KLF8: variants seen among roughly 807,000 people sequenced by gnomAD.
The protein encoded by KLF8 is Krueppel-like factor 8.
KLF8 carries 10 observed loss-of-function variants against 18.2 expected under a neutral mutation model. That is an observed-to-expected ratio of 0.55 (90% CI 0.34 to 0.93). KLF8 has a LOEUF of 0.93. Among genes scored for constraint, KLF8 ranks in the 40% least tolerant of loss-of-function variants. The pLI is 0.02. For synonymous variants in KLF8, 109 were observed against 97.3 expected, an observed-to-expected ratio of 1.12 and a Z score of -0.71; for missense variants, 264 against 277.9, an observed-to-expected ratio of 0.95 and a Z score of 0.36.
At chrX:56,135,479 C>T in the KLF8 span, among the ~76,000 whole-genome samples, 7 of 110,323 alleles carry the variant, frequency 6.3e-5, no homozygotes, top group African/African-American at 2.3e-4. Context: ...CATATTCTCA[C>T]TCATAGGTGG....
intron 2 of KLF8, among the ~76,000 whole-genome samples, chrX:56,254,206 G>A (rs987271631): frequency 8.9e-6 from 1 of 112,004 alleles, no homozygotes; most frequent in Non-Finnish European, 1.9e-5. Context: ...TGACCCCTTC[G>A]TGGGTGGGAA....
At chrX:56,180,150 T>C in the KLF8 span, among the ~76,000 whole-genome samples, 1 of 111,909 alleles carries the variant, frequency 8.9e-6, no homozygotes, top group African/African-American at 3.2e-5. Context: ...AGGCTATTAA[T>C]TATTGCCTCA....
the KLF8 span, among the ~76,000 whole-genome samples, chrX:56,009,674 A>T: frequency 8.9e-6 from 1 of 112,004 alleles, no homozygotes. Context: ...GAACTAAAAA[A>T]GCATGTTTTA....
chrX:56,006,888 G>T, the KLF8 span, among the ~76,000 whole-genome samples: 1 of 111,988 alleles, frequency 8.9e-6, no homozygotes, highest in Non-Finnish European at 1.9e-5. Context: ...AGGCTGGGTC[G>T]TTTCCCAGGC....
chrX:56,088,578 A>G, the KLF8 span, among the ~76,000 whole-genome samples: 1 of 111,582 alleles, frequency 9.0e-6, no homozygotes, highest in Non-Finnish European at 1.9e-5. Context: ...TTTCCTTTTT[A>G]TTACCTGATA....
At chrX:56,178,523 A>T in the KLF8 span, among the ~76,000 whole-genome samples, 1 of 112,065 alleles carries the variant, frequency 8.9e-6, no homozygotes, top group Admixed American at 9.5e-5. Flanking sequence ...TTTTGTTGCC[A>T]TTGCTTTTGG....
chrX:56,049,092 C>T, the KLF8 span, among the ~76,000 whole-genome samples: 1 of 111,749 alleles, frequency 8.9e-6, no homozygotes, highest in East Asian at 2.8e-4. Context: ...CATAAGAATG[C>T]TTGTGATTTT....
the KLF8 span, among the ~76,000 whole-genome samples, chrX:56,172,675 C>T: frequency 8.9e-5 from 10 of 111,962 alleles, no homozygotes; most frequent in Non-Finnish European, 1.5e-4. Context: ...CCTGAGGAAT[C>T]GCCACACTGA....
chrX:56,166,380 A>C, the KLF8 span, among the ~76,000 whole-genome samples: 1 of 111,829 alleles, frequency 8.9e-6, no homozygotes, highest in African/African-American at 3.2e-5. Context: ...AGGTGCCAAC[A>C]GTTTAATTGA....
chrX:56,022,625 T>G, the KLF8 span, among the ~76,000 whole-genome samples: 1 of 108,658 alleles, frequency 9.2e-6, no homozygotes, highest in Non-Finnish European at 1.9e-5. Flanking sequence ...CTTTTTATCA[T>G]TTTAATTTGC....
chrX:56,259,444 C>T (rs922714960), intron 2 of KLF8, among the ~76,000 whole-genome samples: 3 of 110,483 alleles, frequency 2.7e-5, no homozygotes, highest in Non-Finnish European at 5.7e-5. Flanking sequence ...TTCTGTGCCA[C>T]TTTTCCCCAC....
chrX:56,041,418 TTTA>T, the KLF8 span, among the ~76,000 whole-genome samples: 1 of 111,060 alleles, frequency 9.0e-6, no homozygotes, highest in Non-Finnish European at 1.9e-5. Context: ...CCCAACCCTT[TTTA>T]TTATTTTTTA....
At chrX:55,965,775 C>A in the KLF8 span, among the ~76,000 whole-genome samples, 1 of 112,047 alleles carries the variant, frequency 8.9e-6, no homozygotes, top group Non-Finnish European at 1.9e-5. Context: ...AGAACTCAAT[C>A]GCATTCACAA....
chrX:55,922,622 A>T, the KLF8 span, among the ~76,000 whole-genome samples: 1 of 112,825 alleles, frequency 8.9e-6, no homozygotes, highest in East Asian at 2.8e-4. Flanking sequence ...ACTTAAAATA[A>T]AATCGAAAGA....
chrX:55,995,438 C>G, the KLF8 span, among the ~76,000 whole-genome samples: 1 of 112,075 alleles, frequency 8.9e-6, no homozygotes, highest in Non-Finnish European at 1.9e-5. Flanking sequence ...TTAGCTCATT[C>G]TCATGTAAAC....
chrX:56,129,262 C>A, the KLF8 span, among the ~76,000 whole-genome samples: 1 of 111,963 alleles, frequency 8.9e-6, no homozygotes, highest in Non-Finnish European at 1.9e-5. Context: ...CAGGAATAGA[C>A]CAGAAAAGCT....
chrX:56,152,973 T>C, the KLF8 span, among the ~76,000 whole-genome samples: 1 of 111,650 alleles, frequency 9.0e-6, no homozygotes, highest in Non-Finnish European at 1.9e-5. Context: ...CTCTGAAACT[T>C]TTTGGTCTTA....
chrX:56,262,358 A>G (rs1001659168), intron 2 of KLF8, among the ~76,000 whole-genome samples: 3 of 112,010 alleles, frequency 2.7e-5, no homozygotes, highest in Admixed American at 9.5e-5. Context: ...ATGTTTTTCA[A>G]TAAAATGCAT....
the KLF8 span, among the ~76,000 whole-genome samples, chrX:55,968,936 T>G: frequency 8.9e-6 from 1 of 111,770 alleles, no homozygotes; most frequent in Admixed American, 9.5e-5. Context: ...CACCCAACAC[T>G]GTTGCAATCA....
Sources: allele counts gnomAD v4.1 joint callset (sites outside exome capture counted in the v4.1 genomes callset), GRCh38; gene constraint gnomAD v4.1.1; transcripts MANE v1.5; gene names NCBI Gene and HGNC (gene_info 2026-07-23, HGNC 2026-07-21).